The following ANAPC10 variants were observed in gnomAD, a reference collection of about 807,000 sequenced individuals.
The protein encoded by ANAPC10 is anaphase promoting complex subunit 10.
A neutral mutation model predicts 22.0 loss-of-function variants in ANAPC10; 12 were observed. The observed-to-expected ratio is 0.55, with a 90% CI of 0.35 to 0.88. ANAPC10 has a LOEUF of 0.88. Among genes scored for constraint, ANAPC10 ranks in the 40% least tolerant of loss-of-function variants. ANAPC10 has a pLI of 0.01. For missense variants in ANAPC10, 188 were observed against 220.9 expected (o/e 0.85, Z 0.94); for synonymous variants, 65 against 69.5 (o/e 0.94, Z 0.32).
intron 2 of ANAPC10, 129 bp from the exon 3 acceptor site, chr4:145,081,879 T>G: frequency 1.4e-6 from 1 of 710,828 alleles, no homozygotes; most frequent in South Asian, 1.7e-5. Flanking sequence ...TTAATTTTTT[T>G]TTATTTATTT....
At chr4:145,070,694 C>A (rs1000404301) in intron 3 of ANAPC10, among the ~76,000 whole-genome samples, 4 of 152,166 alleles carry the variant, frequency 2.6e-5, no homozygotes, top group Non-Finnish European at 5.9e-5. Flanking sequence ...TATTTGCACA[C>A]CAATGTTCAT....
At chr4:145,013,274 G>A (rs1297043660) in intron 4 of ANAPC10, among the ~76,000 whole-genome samples, 2 of 151,812 alleles carry the variant, frequency 1.3e-5, no homozygotes, top group South Asian at 2.1e-4. Flanking sequence ...TTTCTCATGA[G>A]CACAAATGAA....
At chr4:145,082,219 G>A (rs985157622) in intron 2 of ANAPC10, among the ~76,000 whole-genome samples, 4 of 152,116 alleles carry the variant, frequency 2.6e-5, no homozygotes, top group Non-Finnish European at 5.9e-5. Flanking sequence ...GCACAATCTC[G>A]GCTCATTGCA....
At chr4:145,062,835 T>C (rs548065424) in intron 4 of ANAPC10, among the ~76,000 whole-genome samples, 1 of 152,290 alleles carries the variant, frequency 6.6e-6, no homozygotes, top group Non-Finnish European at 1.5e-5. Flanking sequence ...TATACAGCCC[T>C]AAAGAGAAGG....
At chr4:145,042,724 C>G (rs1739690960) in intron 4 of ANAPC10, among the ~76,000 whole-genome samples, 1 of 151,756 alleles carries the variant, frequency 6.6e-6, no homozygotes, top group Non-Finnish European at 1.5e-5. Flanking sequence ...CCAAGAGGAA[C>G]TTTCAGTAAA....
chr4:145,015,399 A>G (rs185630799), intron 4 of ANAPC10, among the ~76,000 whole-genome samples: 3 of 152,230 alleles, frequency 2.0e-5, no homozygotes. Context: ...AAGAAAAAAG[A>G]ATAAGAAAAT....
chr4:145,055,436 T>C (rs1187933592), intron 4 of ANAPC10, among the ~76,000 whole-genome samples: 1 of 152,128 alleles, frequency 6.6e-6, no homozygotes, highest in Non-Finnish European at 1.5e-5. Context: ...TGTGTGCCTG[T>C]AGTCCCAGCT....
intron 4 of ANAPC10, among the ~76,000 whole-genome samples, chr4:145,054,598 C>A (rs1741664084): frequency 7.7e-6 from 1 of 130,376 alleles, no homozygotes; most frequent in Non-Finnish European, 1.6e-5. Context: ...AGGGGACATA[C>A]TGAATAGTGT....
At chr4:145,031,347 T>C (rs1737551370) in intron 4 of ANAPC10, among the ~76,000 whole-genome samples, 3 of 152,184 alleles carry the variant, frequency 2.0e-5, no homozygotes, top group Admixed American at 1.3e-4. Context: ...TAAATCCAAC[T>C]AAAATTCCGG....
At chr4:145,082,146 T>G (rs1387596803) in intron 2 of ANAPC10, among the ~76,000 whole-genome samples, 1 of 152,228 alleles carries the variant, frequency 6.6e-6, no homozygotes. Flanking sequence ...AAACATCTTC[T>G]AGGAGATATT....
At chr4:145,009,279 T>C (rs907401453) in intron 4 of ANAPC10, among the ~76,000 whole-genome samples, 12 of 152,148 alleles carry the variant, frequency 7.9e-5, no homozygotes, top group Non-Finnish European at 1.3e-4. Context: ...ATAGATTCAA[T>C]GTCATCCCCA....
intron 4 of ANAPC10, among the ~76,000 whole-genome samples, chr4:145,013,794 C>T (rs1734704861): frequency 6.6e-6 from 1 of 152,130 alleles, no homozygotes; most frequent in African/African-American, 2.4e-5. Flanking sequence ...GAAGATCCTC[C>T]ACCCCCAAGC....
At chr4:144,997,676 G>C (rs906666933) in intron 4 of ANAPC10, among the ~76,000 whole-genome samples, 8 of 152,032 alleles carry the variant, frequency 5.3e-5, no homozygotes, top group Admixed American at 2.6e-4. Context: ...CATCAACTAA[G>C]GAGCAAAATA....
At position 145,042,322 on chromosome 4, in the gene ANAPC10, C is replaced by T. The variant is rs535962599; in HGVS notation, c.327+22250G>A. ...GGTCAGTTGAAAAATTTGACTAACT[C>T]ATAACAATACTATCAAGAAGCCAAC... is the stretch of plus-strand genomic sequence containing the variant. On this transcript the variant is annotated intron_variant, in intron 4 of 4. Transcript: ENST00000507656. 1.1e-3 allele frequency among the ~76,000 whole-genome samples: 163 copies of T among 152,222 alleles called. 1 individual carries two copies. The highest frequency in any genetic ancestry group is 1.7e-3 in the Non-Finnish European group (117 of 67,988).
intron 4 of ANAPC10, among the ~76,000 whole-genome samples, chr4:145,021,025 A>G (rs953180962): frequency 4.0e-5 from 6 of 151,858 alleles, no homozygotes; most frequent in Admixed American, 6.6e-5. Context: ...CATACCACCA[A>G]AAGCAACCTA....
intron 4 of ANAPC10, among the ~76,000 whole-genome samples, chr4:145,037,537 T>TGA (rs1738772744): frequency 6.6e-6 from 1 of 152,110 alleles, no homozygotes; most frequent in African/African-American, 2.4e-5. Context: ...TGCCACTGGA[T>TGA]TACAACCCAC....
intron 4 of ANAPC10, among the ~76,000 whole-genome samples, chr4:144,998,723 C>A (rs1416994278): frequency 2.0e-5 from 3 of 151,940 alleles, no homozygotes; most frequent in African/African-American, 7.3e-5. Flanking sequence ...GAAGCAAGAG[C>A]AAACACATTC....
chr4:145,040,334 G>A (rs548880605), intron 4 of ANAPC10, among the ~76,000 whole-genome samples: 1 of 152,276 alleles, frequency 6.6e-6, no homozygotes, highest in East Asian at 1.9e-4. Flanking sequence ...TGTTAATAGA[G>A]ACGGGGTTTC....
intron 4 of ANAPC10, among the ~76,000 whole-genome samples, chr4:145,047,467 T>C (rs568970059): frequency 2.2e-4 from 34 of 152,298 alleles, no homozygotes; most frequent in African/African-American, 8.2e-4. Context: ...CAGTGAGTCA[T>C]GATAATTCCA....
Sources: gnomAD v4.1 joint callset for allele counts (sites outside exome capture counted in the v4.1 genomes callset) on GRCh38, gnomAD v4.1.1 for gene constraint, MANE v1.5 for transcripts, NCBI Gene and HGNC (gene_info 2026-07-23, HGNC 2026-07-21) for gene names.